The following HIVEP1 variants were observed in gnomAD, a reference collection of about 807,000 sequenced individuals.
HIVEP1 encodes HIVEP zinc finger 1.
HIVEP1 carries 36 observed loss-of-function variants against 180.0 expected under a neutral mutation model. The ratio of observed to expected loss-of-function variants is 0.20; its 90% CI spans 0.15 to 0.26. The LOEUF (loss-of-function observed/expected upper bound fraction) is 0.26. Ranked by LOEUF, HIVEP1 falls within the 10% of genes least tolerant of loss-of-function variation. The probability of loss-of-function intolerance (pLI) is 1.00; values close to 1 mark genes in which losing one functional copy is unlikely to be tolerated. For synonymous variants in HIVEP1, 1,239 were observed against 1,239.0 expected, an observed-to-expected ratio of 1.00 and a Z score of 0.00; for missense variants, 3,143 against 3,268.7, an observed-to-expected ratio of 0.96 and a Z score of 0.94.
intron 3 of HIVEP1, among the ~76,000 whole-genome samples, chr6:12,111,556 G>A (rs1774892836): frequency 6.6e-6 from 1 of 152,244 alleles, no homozygotes; most frequent in South Asian, 2.1e-4. Context: ...TAGTCATCAT[G>A]TTCTTGTGAG....
chr6:12,171,827 C>A, the HIVEP1 span, among the ~76,000 whole-genome samples: 1 of 152,204 alleles, frequency 6.6e-6, no homozygotes, highest in African/African-American at 2.4e-5. Context: ...ATAGTGATTT[C>A]TCTTCAAGGA....
At chr6:12,053,214 A>G (rs1310890403) in intron 2 of HIVEP1, among the ~76,000 whole-genome samples, 1 of 152,050 alleles carries the variant, frequency 6.6e-6, no homozygotes, top group East Asian at 1.9e-4. Flanking sequence ...ATATTTCCCA[A>G]TATGCTGTTC....
the HIVEP1 span, among the ~76,000 whole-genome samples, chr6:12,210,116 A>G: frequency 6.6e-6 from 1 of 152,028 alleles, no homozygotes; most frequent in Non-Finnish European, 1.5e-5. Flanking sequence ...AAAAAAAAAG[A>G]AAAAGGAGTT....
chr6:12,024,542 A>G (rs1389777632), intron 2 of HIVEP1, among the ~76,000 whole-genome samples: 1 of 152,212 alleles, frequency 6.6e-6, no homozygotes, highest in Non-Finnish European at 1.5e-5. Flanking sequence ...GTGTGACTAG[A>G]GTATGAATTT....
At chr6:12,150,170 G>GT (rs1287303616) in intron 7 of HIVEP1, among the ~76,000 whole-genome samples, 2 of 152,142 alleles carry the variant, frequency 1.3e-5, no homozygotes, top group African/African-American at 4.8e-5. Context: ...ACATTCCCTT[G>GT]TTTTCTTGCC....
At chr6:12,093,426 A>G (rs976071092) in intron 3 of HIVEP1, among the ~76,000 whole-genome samples, 1 of 150,778 alleles carries the variant, frequency 6.6e-6, no homozygotes, top group Non-Finnish European at 1.5e-5. Context: ...TTGTATTTTT[A>G]TTTGTCTTAA....
intron 7 of HIVEP1, among the ~76,000 whole-genome samples, chr6:12,157,416 A>G (rs1247974727): frequency 6.6e-6 from 1 of 152,034 alleles, no homozygotes; most frequent in African/African-American, 2.4e-5. Flanking sequence ...TCTAGTATTA[A>G]CTGAGTGTTT....
At chr6:12,132,299 G>A (rs1355627843) in intron 6 of HIVEP1, among the ~76,000 whole-genome samples, 3 of 151,950 alleles carry the variant, frequency 2.0e-5, no homozygotes, top group Non-Finnish European at 4.4e-5. Flanking sequence ...ACATCTATTA[G>A]CTTCCTTTAT....
At chr6:12,134,144 C>T (rs1290324324) in intron 6 of HIVEP1, among the ~76,000 whole-genome samples, 1 of 152,114 alleles carries the variant, frequency 6.6e-6, no homozygotes, top group Non-Finnish European at 1.5e-5. Context: ...AAAGCTGTCA[C>T]ATAAAAGTAG....
chr6:12,078,634 T>TAC lies in HIVEP1; in HGVS notation c.41-10534_41-10533dup, dbSNP rs3070536. On this transcript the variant is annotated intron_variant, in intron 2 of 8. Transcript: ENST00000379388. Reference sequence around the variant, plus strand: ...AAAAAAAAAAATACATACATATATATACACACACACACACACATACATATA... The same window carrying TAC: ...AAAAAAAAAAATACATACATATATATACACACACACACACACACATACATATA... Among the ~76,000 whole-genome samples, 103 of 146,966 alleles carry TAC rather than the reference T, an allele frequency of 7.0e-4. No homozygotes were observed. In the East Asian group the frequency reaches 0.012, roughly 18 times the overall value.
chr6:12,064,569 A>C (rs963414175), intron 2 of HIVEP1, among the ~76,000 whole-genome samples: 7 of 152,158 alleles, frequency 4.6e-5, no homozygotes, highest in African/African-American at 1.7e-4. Flanking sequence ...ATGTATCTGC[A>C]TGTGTCTGTC....
chr6:12,043,856 G>T (rs531168840), intron 2 of HIVEP1, among the ~76,000 whole-genome samples: 56 of 152,222 alleles, frequency 3.7e-4, no homozygotes, highest in African/African-American at 1.2e-3. Context: ...GGGATTTCTA[G>T]CAATTTTAGT....
upstream of HIVEP1, chr6:12,012,149 C>A (rs536439967): frequency 6.9e-6 from 1 of 143,996 alleles, no homozygotes; most frequent in Non-Finnish European, 1.5e-5. Context: ...GCCCGGCTGC[C>A]CGGCTCCCTG....
At chr6:12,188,411 C>T in the HIVEP1 span, among the ~76,000 whole-genome samples, 1 of 152,016 alleles carries the variant, frequency 6.6e-6, no homozygotes, top group Non-Finnish European at 1.5e-5. Context: ...GTTTCTAGGA[C>T]CACCACCATG....
At chr6:12,128,359 C>T (rs1438267606) in intron 4 of HIVEP1, among the ~76,000 whole-genome samples, 1 of 152,084 alleles carries the variant, frequency 6.6e-6, no homozygotes, top group African/African-American at 2.4e-5. Context: ...ATGGGCCTCC[C>T]AAGGTACTAT....
rs748613484 is a variant in HIVEP1, at chr6:12,123,128, C to G, written c.3333C>G (p.Ile1111Met). Residue 1111 changes from isoleucine to methionine, a missense_variant, in exon 4 of 9, where the codon ATC (isoleucine) becomes ATG (methionine). Transcript: ENST00000379388. ...EQTMDPKLST[I>M]MEQQISSAAQ... is the part of the protein sequence containing the mutation. ...CCATGGATCCCAAGCTGTCGACCAT[C>G]ATGGAACAACAGATAAGTTCAGCAG... is the stretch of plus-strand genomic sequence containing the variant. 13 of 1,614,044 alleles carry G rather than the reference C, an allele frequency of 8.1e-6. No homozygotes were observed. The highest frequency in any genetic ancestry group is 1.1e-5 in the South Asian group (1 of 91,088).
intron 2 of HIVEP1, among the ~76,000 whole-genome samples, chr6:12,078,646 CACACAT>C (rs1300408015): frequency 6.8e-6 from 1 of 147,526 alleles, no homozygotes; most frequent in Non-Finnish European, 1.5e-5. Context: ...CACACACACA[CACACAT>C]ACATATATAT....
chr6:12,204,486 A>G, the HIVEP1 span, among the ~76,000 whole-genome samples: 4 of 148,514 alleles, frequency 2.7e-5, no homozygotes, highest in African/African-American at 9.9e-5. Flanking sequence ...TTTCAGCAAC[A>G]TGCATCTCCT....
chr6:12,198,125 C>T, the HIVEP1 span, among the ~76,000 whole-genome samples: 1 of 152,114 alleles, frequency 6.6e-6, no homozygotes, highest in Non-Finnish European at 1.5e-5. Context: ...AGTCAGTGGC[C>T]TGAACTTACA....
Sources: gnomAD v4.1 joint callset for allele counts (sites outside exome capture counted in the v4.1 genomes callset) on GRCh38, gnomAD v4.1.1 for gene constraint, MANE v1.5 for transcripts, NCBI Gene and HGNC (gene_info 2026-07-23, HGNC 2026-07-21) for gene names.